The following CNOT3 variants were observed in gnomAD, a reference collection of about 807,000 sequenced individuals.
CNOT3 encodes the protein CCR4-associated factor 3.
Under a neutral mutation model 89.4 loss-of-function variants are expected in CNOT3, and 2 were observed. That is an observed-to-expected ratio of 0.02 (90% CI 0.01 to 0.07). The LOEUF is 0.07. Among genes scored for constraint, CNOT3 ranks in the 10% least tolerant of loss-of-function variants. CNOT3 has a pLI of 1.00. For synonymous variants in CNOT3, 486 were observed against 402.0 expected (o/e 1.21, Z -2.50); for missense variants, 664 against 1,010.2 (o/e 0.66, Z 4.65).
At chr19:54,154,009 G>A (rs745598075) in intron 17 of CNOT3, 169 bp downstream of exon 17, 26 of 846,318 alleles carry the variant, frequency 3.1e-5, no homozygotes, top group East Asian at 7.9e-5. Context: ...CTGGAACACC[G>A]CCCTCTCATC....
intron 1 of CNOT3, among the ~76,000 whole-genome samples, chr19:54,139,108 CCAG>C (rs2146520501): frequency 6.6e-6 from 1 of 152,306 alleles, no homozygotes; most frequent in African/African-American, 2.4e-5. Context: ...GCGGGCAGCA[CCAG>C]CCCCTCTTTC....
At chr19:54,155,254 C>G in intron 17 of CNOT3, 55 bp from the exon 18 acceptor site, 4 of 1,601,662 alleles carry the variant, frequency 2.5e-6, no homozygotes, top group Non-Finnish European at 3.4e-6. Context: ...TTGGTCCGGC[C>G]CAGATCCCAG....
chr19:54,138,935 C>T (rs1294428280), intron 1 of CNOT3, among the ~76,000 whole-genome samples: 1 of 152,218 alleles, frequency 6.6e-6, no homozygotes, highest in Non-Finnish European at 1.5e-5. Flanking sequence ...CAGCCTTGAA[C>T]TCCCCTGCAT....
rs1206598884 is a variant in CNOT3 at position 54,144,794 on chromosome 19, T to C, written c.483+462T>C. On this transcript the variant is annotated intron_variant, in intron 7 of 17. Coordinates refer to ENST00000221232, the MANE Select transcript of CNOT3 (RefSeq NM_014516.4). The surrounding 1 kb of genome is among the most constrained non-coding windows in gnomAD (Gnocchi z 4.8). ...CAGGAGTCTGGGACAAAGCTGGATG[T>C]TGGGGTCCCAGGTTCTAAAATCCGG... is the stretch of plus-strand genomic sequence containing the variant. Among the ~76,000 whole-genome samples, 1 of 152,058 alleles carries C rather than the reference T, an allele frequency of 6.6e-6. No homozygotes were observed. Among genetic ancestry groups the C allele is most frequent in the Admixed American group, 6.5e-5 (1 of 15,268 alleles).
At position 54,152,112 on chromosome 19, in the gene CNOT3, G is replaced by C. The variant is rs933450535; in HGVS notation, c.1606-114G>C. On this transcript the variant is annotated intron_variant, in intron 13 of 17. Coordinates refer to ENST00000221232, the MANE Select transcript of CNOT3 (RefSeq NM_014516.4). Reference sequence around the variant, plus strand: ...ATGGGTAGATTGTGGGGAGTGGGTCGTTGGCCCTCCACGGCCCCCAAACAG... The same window carrying C: ...ATGGGTAGATTGTGGGGAGTGGGTCCTTGGCCCTCCACGGCCCCCAAACAG... The C allele has an allele frequency of 1.1e-5, 12 of 1,060,162 alleles. No individual in the cohort carries two copies. The Admixed American group carries it at 1.5e-4, about 13-fold the overall frequency. 65.7% of individuals were successfully genotyped at this position (1,060,162 alleles called of 1,614,324 possible).
intron 3 of CNOT3, 86 bp from the exon 4 acceptor site, chr19:54,143,356 G>C: frequency 7.0e-7 from 1 of 1,428,530 alleles, no homozygotes; most frequent in Non-Finnish European, 9.9e-7. Context: ...GGGGGTCCTC[G>C]AGTCCCTAGC....
At chr19:54,142,693 C>CA (rs2074501462) in intron 1 of CNOT3, 1 of 584,134 alleles carries the variant, frequency 1.7e-6, no homozygotes, top group African/African-American at 1.9e-5. Flanking sequence ...CAGAGGCACA[C>CA]AAAAAAGTAT....
chr19:54,145,829 G>A lies in CNOT3; in HGVS notation c.703+12G>A. 1 of 1,609,712 alleles carries A rather than the reference G, an allele frequency of 6.2e-7. No individual in the cohort carries two copies. ...CCTCGAGGACATTCGTGAGGCCCTG[G>A]GGCTGATCGTGGCACAGGAAGTGAG... On this transcript the variant is annotated intron_variant, in intron 8 of 17. Coordinates refer to ENST00000221232, the MANE Select transcript of CNOT3 (RefSeq NM_014516.4). The surrounding 1 kb of genome is among the most constrained non-coding windows in gnomAD (Gnocchi z 5.9).
Position 54,148,808 on chromosome 19 carries a change from C to T in CNOT3, c.1406+65C>T. 6.5e-7 allele frequency: 1 copy of T among 1,537,782 alleles called. No homozygotes were observed. Among genetic ancestry groups the T allele is most frequent in the South Asian group, 1.2e-5 (1 of 82,500 alleles). On this transcript the variant is annotated intron_variant, in intron 12 of 17. Coordinates refer to ENST00000221232, the MANE Select transcript of CNOT3 (RefSeq NM_014516.4). The surrounding 1 kb of genome is among the most constrained non-coding windows in gnomAD (Gnocchi z 6.3). Reference sequence around the variant, plus strand: ...TTTTGAAACAGAGAGGCGCAGGCGCCTCACCCCCGCATCGGTGGGTTCTGA... The same window carrying T: ...TTTTGAAACAGAGAGGCGCAGGCGCTTCACCCCCGCATCGGTGGGTTCTGA...
rs1332347016 is a variant in CNOT3, at chr19:54,145,343, G to A, written c.484-255G>A. ...CACAAGGACCTCTGGGTCTTTTAGA[G>A]GTTTCCAAGGACTCCTGGAGCCAGA... is the stretch of plus-strand genomic sequence containing the variant. On this transcript the variant is annotated intron_variant, in intron 7 of 17. Coordinates refer to ENST00000221232, the MANE Select transcript of CNOT3 (RefSeq NM_014516.4). The surrounding 1 kb of genome is among the most constrained non-coding windows in gnomAD (Gnocchi z 5.9). 6.6e-6 allele frequency among the ~76,000 whole-genome samples: 1 copy of A among 152,132 alleles called. No homozygotes were observed. The highest frequency in any genetic ancestry group is 2.4e-5 in the African/African-American group (1 of 41,416).
In CNOT3 at chr19:54,144,382, G is replaced by C. The variant is rs1423307167; in HGVS notation, c.483+50G>C. The C allele has an allele frequency of 1.4e-6, 2 of 1,412,016 alleles. No homozygotes were observed. The highest frequency in any genetic ancestry group is 2.0e-6 in the Non-Finnish European group (2 of 999,288). The allele number at this position is 1,412,016 out of a possible 1,614,324, so 87.5% of individuals were successfully genotyped here. On this transcript the variant is annotated intron_variant, in intron 7 of 17. Coordinates refer to ENST00000221232, the MANE Select transcript of CNOT3 (RefSeq NM_014516.4). The surrounding 1 kb of genome is among the most constrained non-coding windows in gnomAD (Gnocchi z 4.8). Reference sequence around the variant, plus strand: ...TTGGGATGGGGATGGGCATGGGAATGGGCTGGCCAGCAGGAGGCCAGTCAT... The same window carrying C: ...TTGGGATGGGGATGGGCATGGGAATCGGCTGGCCAGCAGGAGGCCAGTCAT...
Position 54,145,506 on chromosome 19 carries a change from G to T in CNOT3, c.484-92G>T. On this transcript the variant is annotated intron_variant, in intron 7 of 17. Coordinates refer to ENST00000221232, the MANE Select transcript of CNOT3 (RefSeq NM_014516.4). The surrounding 1 kb of genome is among the most constrained non-coding windows in gnomAD (Gnocchi z 5.9). ...GGCGTGGAGGCTTTGGGTCTCCACA[G>T]GGGTCAGGGACTGAGGACAGGTTCT... 1.2e-6 allele frequency: 1 copy of T among 868,752 alleles called. No homozygotes were observed. The highest frequency in any genetic ancestry group is 2.6e-5 in the East Asian group (1 of 38,348). The allele number at this position is 868,752 out of a possible 1,614,324, so 53.8% of individuals were successfully genotyped here.
chr19:54,149,621 A>G lies in CNOT3; in HGVS notation c.1468A>G (p.Asn490Asp). ...AGGVAPGSGN[N>D]SGGPSLLVPL... ...GGGCGTGGCCCCAGGCTCAGGGAAC[A>G]ACTCAGGGGGACCCAGCCTCCTGGT... The change falls in exon 13 of 18, where the codon AAC (asparagine) becomes GAC (aspartate). Residue 490 changes from asparagine (N) to aspartate (D), a missense_variant. Physicochemically the swap from Asn to Asp is conservative, Grantham distance 23. Around this residue, in one of 8 missense-constraint regions of CNOT3, gnomAD observed 545 missense variants for 566.2 expected, o/e 0.96. Coordinates refer to ENST00000221232, the MANE Select transcript of CNOT3 (RefSeq NM_014516.4). 1.2e-6 allele frequency: 2 copies of G among 1,613,374 alleles called. No individual in the cohort carries two copies. The highest frequency in any genetic ancestry group is 1.7e-6 in the Non-Finnish European group (2 of 1,179,608).
intron 13 of CNOT3, among the ~76,000 whole-genome samples, chr19:54,151,765 C>G (rs587658224): frequency 2.6e-5 from 4 of 152,310 alleles, no homozygotes; most frequent in South Asian, 2.1e-4. Context: ...CACCCCGATT[C>G]CAGTCACCCC....
intron 1 of CNOT3, among the ~76,000 whole-genome samples, chr19:54,139,397 G>A (rs587595981): frequency 1.8e-4 from 27 of 152,232 alleles, no homozygotes; most frequent in Admixed American, 5.2e-4. Flanking sequence ...GGAGAACAAG[G>A]GTTTCGCCTT....
intron 1 of CNOT3, among the ~76,000 whole-genome samples, chr19:54,139,744 G>A (rs1476833595): frequency 5.3e-5 from 8 of 152,118 alleles, no homozygotes; most frequent in African/African-American, 1.9e-4. Flanking sequence ...GTGGATGTAA[G>A]ATACCTGAGT....
At chr19:54,138,746 C>T (rs1009903896) in intron 1 of CNOT3, among the ~76,000 whole-genome samples, 4 of 150,972 alleles carry the variant, frequency 2.6e-5, no homozygotes, top group South Asian at 2.1e-4. Flanking sequence ...CAGCTCTTCC[C>T]TCTCATAGCG....
intron 1 of CNOT3, among the ~76,000 whole-genome samples, chr19:54,140,717 G>A (rs375906831): frequency 6.6e-6 from 1 of 152,214 alleles, no homozygotes; most frequent in Non-Finnish European, 1.5e-5. Context: ...AGCCGACTTC[G>A]ATGTCACACT....
At chr19:54,140,372 G>A (rs1335951055) in intron 1 of CNOT3, among the ~76,000 whole-genome samples, 1 of 151,966 alleles carries the variant, frequency 6.6e-6, no homozygotes, top group African/African-American at 2.4e-5. Context: ...CTTTGCTGCT[G>A]GAGCACAGGT....
Sources: gnomAD v4.1 joint callset for allele counts (sites outside exome capture counted in the v4.1 genomes callset) on GRCh38, gnomAD v4.1.1 for gene constraint, gnomAD v4.1.1 regional missense constraint, Gnocchi (gnomAD v3.1) non-coding constraint, MANE v1.5 for transcripts, NCBI Gene and HGNC (gene_info 2026-07-23, HGNC 2026-07-21) for gene names.